The following FSTL4 variants were observed in gnomAD, a reference collection of about 807,000 sequenced individuals.
The protein encoded by FSTL4 is follistatin like 4.
Under a neutral mutation model 78.2 loss-of-function variants are expected in FSTL4, and 28 were observed. That is an observed-to-expected ratio of 0.36 (90% CI 0.27 to 0.49). The LOEUF (loss-of-function observed/expected upper bound fraction) is 0.49. Ranked by LOEUF, FSTL4 falls within the 20% of genes least tolerant of loss-of-function variation. FSTL4 has a pLI of 0.98. For missense variants in FSTL4, 922 were observed against 1,084.9 expected, an observed-to-expected ratio of 0.85 and a Z score of 2.11; for synonymous variants, 422 against 440.5, an observed-to-expected ratio of 0.96 and a Z score of 0.53.
At chr5:133,429,619 C>T (rs1330951293) in intron 3 of FSTL4, among the ~76,000 whole-genome samples, 1 of 152,190 alleles carries the variant, frequency 6.6e-6, no homozygotes, top group Non-Finnish European at 1.5e-5. Flanking sequence ...GATTGTGAAT[C>T]TCCAGGCTCC....
chr5:133,557,920 C>T (rs992422140), intron 3 of FSTL4, among the ~76,000 whole-genome samples: 3 of 152,220 alleles, frequency 2.0e-5, no homozygotes, highest in Non-Finnish European at 4.4e-5. Context: ...GGACCCTCTG[C>T]TGAGACAGCC....
At chr5:133,719,890 G>A in the FSTL4 span, among the ~76,000 whole-genome samples, 1 of 152,102 alleles carries the variant, frequency 6.6e-6, no homozygotes, top group Admixed American at 6.6e-5. Flanking sequence ...TAAGATTGGA[G>A]TCAAGTCTTC....
At chr5:133,630,013 A>G in the FSTL4 span, among the ~76,000 whole-genome samples, 14 of 152,386 alleles carry the variant, frequency 9.2e-5, no homozygotes, top group East Asian at 1.7e-3. Flanking sequence ...AATAAGAACT[A>G]TTTATGAAAA....
At chr5:133,786,265 G>A in the FSTL4 span, among the ~76,000 whole-genome samples, 1 of 152,140 alleles carries the variant, frequency 6.6e-6, no homozygotes, top group Admixed American at 6.5e-5. Context: ...CCACTTTTCT[G>A]AAGAATGGAA....
At chr5:133,583,189 C>A (rs1760469457) in intron 2 of FSTL4, 7 of 449,880 alleles carry the variant, frequency 1.6e-5, no homozygotes, top group South Asian at 1.1e-4. Context: ...GGTTTCCTGA[C>A]CCTCCAAAAG....
the FSTL4 span, among the ~76,000 whole-genome samples, chr5:133,796,162 G>C: frequency 6.6e-6 from 1 of 152,238 alleles, no homozygotes; most frequent in Non-Finnish European, 1.5e-5. Context: ...GAATGGGAGA[G>C]TTCCCTGAAC....
At chr5:133,686,836 AAGACTCCGG>A in the FSTL4 span, among the ~76,000 whole-genome samples, 1 of 152,198 alleles carries the variant, frequency 6.6e-6, no homozygotes, top group African/African-American at 2.4e-5. Flanking sequence ...GCCAGAGGGG[AAGACTCCGG>A]AGAACTGACC....
the FSTL4 span, among the ~76,000 whole-genome samples, chr5:133,792,500 T>C: frequency 6.6e-6 from 1 of 152,184 alleles, no homozygotes; most frequent in Non-Finnish European, 1.5e-5. Flanking sequence ...ATCCCAGAGT[T>C]CGTGTGTCCC....
intron 2 of FSTL4, among the ~76,000 whole-genome samples, chr5:133,599,028 G>C (rs1288012425): frequency 1.3e-5 from 2 of 152,170 alleles, no homozygotes; most frequent in East Asian, 3.9e-4. Context: ...CAGACGACCA[G>C]CTGTTCTTCC....
chr5:133,211,521 C>T (rs1465422993), intron 13 of FSTL4, among the ~76,000 whole-genome samples: 3 of 152,122 alleles, frequency 2.0e-5, no homozygotes, highest in Non-Finnish European at 2.9e-5. Context: ...TCTAGTCTCT[C>T]CGATGAGGGG....
the FSTL4 span, among the ~76,000 whole-genome samples, chr5:133,684,526 G>A: frequency 1.3e-5 from 2 of 152,210 alleles, no homozygotes; most frequent in Non-Finnish European, 2.9e-5. Flanking sequence ...AGACTTCACA[G>A]TTTTCTCCCT....
the FSTL4 span, among the ~76,000 whole-genome samples, chr5:133,703,490 C>T: frequency 6.6e-6 from 1 of 152,314 alleles, no homozygotes; most frequent in South Asian, 2.1e-4. Context: ...GGGCCATTAA[C>T]GATCACTGCA....
At chr5:133,785,070 G>A in the FSTL4 span, among the ~76,000 whole-genome samples, 2 of 152,054 alleles carry the variant, frequency 1.3e-5, no homozygotes, top group Non-Finnish European at 2.9e-5. Flanking sequence ...GCTCGAGAAG[G>A]AACAGATCTA....
the FSTL4 span, among the ~76,000 whole-genome samples, chr5:133,734,367 T>C: frequency 6.6e-6 from 1 of 152,186 alleles, no homozygotes; most frequent in Non-Finnish European, 1.5e-5. Flanking sequence ...ATTGTAGCCA[T>C]ATGAGAAAAA....
intron 6 of FSTL4, among the ~76,000 whole-genome samples, chr5:133,272,710 G>T (rs188861756): frequency 6.6e-6 from 1 of 152,218 alleles, no homozygotes; most frequent in South Asian, 2.1e-4. Flanking sequence ...TAACTCTTCC[G>T]ATTTTATTAG....
the FSTL4 span, among the ~76,000 whole-genome samples, chr5:133,791,278 GCACACACACA>G: frequency 1.3e-5 from 2 of 148,716 alleles, no homozygotes; most frequent in African/African-American, 4.9e-5. Flanking sequence ...ACATGTGCGT[GCACACACACA>G]CACACACACA....
At chr5:133,354,883 G>A (rs1754909632) in intron 4 of FSTL4, among the ~76,000 whole-genome samples, 1 of 152,254 alleles carries the variant, frequency 6.6e-6, no homozygotes, top group South Asian at 2.1e-4. Context: ...ATGCATGTGT[G>A]GGATGAGGAA....
chr5:133,700,430 C>T, the FSTL4 span, among the ~76,000 whole-genome samples: 1 of 151,444 alleles, frequency 6.6e-6, no homozygotes. Context: ...CAAACCATCA[C>T]ACCAAACACC....
At chr5:133,267,327 G>A (rs1752666166) in intron 6 of FSTL4, among the ~76,000 whole-genome samples, 1 of 152,182 alleles carries the variant, frequency 6.6e-6, no homozygotes, top group South Asian at 2.1e-4. Context: ...GGCTTAGGAG[G>A]GCCCCAGGAC....
Sources: allele counts gnomAD v4.1 joint callset (sites outside exome capture counted in the v4.1 genomes callset), GRCh38; gene constraint gnomAD v4.1.1; transcripts MANE v1.5; gene names NCBI Gene and HGNC (gene_info 2026-07-23, HGNC 2026-07-21).